Variants in IL1RAPL2 observed in about 807,000 individuals in gnomAD.
The protein encoded by IL1RAPL2 is X-linked interleukin-1 receptor accessory protein-like 2.
Under a neutral mutation model 44.1 loss-of-function variants are expected in IL1RAPL2, and 3 were observed. The observed-to-expected ratio is 0.07, with a 90% CI of 0.03 to 0.18. The LOEUF (loss-of-function observed/expected upper bound fraction) is 0.18. IL1RAPL2 is among the 10% of genes least tolerant of loss of function. IL1RAPL2 has a pLI of 1.00. For missense variants in IL1RAPL2, 391 were observed against 496.4 expected (o/e 0.79, Z 2.02); for synonymous variants, 181 against 178.8 (o/e 1.01, Z -0.10).
intron 2 of IL1RAPL2, among the ~76,000 whole-genome samples, chrX:105,163,035 C>A (rs893622575): frequency 9.0e-6 from 1 of 111,723 alleles, no homozygotes; most frequent in Admixed American, 9.6e-5. Context: ...GTCCCTTTAA[C>A]TTCTAGATCA....
intron 2 of IL1RAPL2, among the ~76,000 whole-genome samples, chrX:104,786,313 C>T (rs926891641): frequency 8.9e-6 from 1 of 111,937 alleles, no homozygotes; most frequent in African/African-American, 3.3e-5. Context: ...CATATCCTCT[C>T]TTCCTTCCTC....
At chrX:105,412,306 G>GTATATATATATATATATA (rs56979628) in intron 5 of IL1RAPL2, among the ~76,000 whole-genome samples, 8 of 93,176 alleles carry the variant, frequency 8.6e-5, no homozygotes, top group Non-Finnish European at 1.1e-4. Flanking sequence ...GAAAAATGTA[G>GTATATATATATATATATA]TATATATATA....
intron 2 of IL1RAPL2, among the ~76,000 whole-genome samples, chrX:104,939,827 A>G (rs777299148): frequency 8.9e-6 from 1 of 112,034 alleles, no homozygotes; most frequent in South Asian, 3.7e-4. Flanking sequence ...ATGTTAAGTA[A>G]AAGAAGCCAG....
At chrX:105,540,864 T>C (rs2095525412) in intron 6 of IL1RAPL2, among the ~76,000 whole-genome samples, 1 of 81,467 alleles carries the variant, frequency 1.2e-5, no homozygotes, top group Admixed American at 1.5e-4. Context: ...TTATATATGA[T>C]ATATAATACA....
intron 2 of IL1RAPL2, among the ~76,000 whole-genome samples, chrX:104,810,753 T>G (rs949683803): frequency 8.9e-6 from 1 of 111,733 alleles, no homozygotes; most frequent in African/African-American, 3.3e-5. Flanking sequence ...ATTAAAAAAT[T>G]TGGAGAGTTA....
intron 6 of IL1RAPL2, among the ~76,000 whole-genome samples, chrX:105,546,666 A>G (rs1048350869): frequency 2.7e-4 from 30 of 111,565 alleles, no homozygotes; most frequent in African/African-American, 9.4e-4. Flanking sequence ...CTGACCTTTG[A>G]AGGAGGAAAG....
chrX:105,395,922 C>G (rs2035559638), intron 5 of IL1RAPL2, among the ~76,000 whole-genome samples: 1 of 112,042 alleles, frequency 8.9e-6, no homozygotes, highest in African/African-American at 3.2e-5. Flanking sequence ...ATGCCCAGCT[C>G]TCTGTTTTAT....
intron 6 of IL1RAPL2, among the ~76,000 whole-genome samples, chrX:105,711,093 C>T (rs2038206488): frequency 9.2e-6 from 1 of 109,275 alleles, no homozygotes; most frequent in African/African-American, 3.3e-5. Context: ...AAGCTACACC[C>T]GGGGATCACT....
chrX:104,913,744 A>G (rs1924322494), intron 2 of IL1RAPL2, among the ~76,000 whole-genome samples: 1 of 112,280 alleles, frequency 8.9e-6, no homozygotes, highest in East Asian at 2.8e-4. Context: ...GTCTGCAGGA[A>G]TTTATGCCTT....
At chrX:105,356,239 G>C (rs1187137042) in intron 5 of IL1RAPL2, among the ~76,000 whole-genome samples, 1 of 110,171 alleles carries the variant, frequency 9.1e-6, no homozygotes, top group Non-Finnish European at 1.9e-5. Context: ...TATGGGTAGG[G>C]TGATAGATTT....
At chrX:105,596,023 G>A (rs1190464061) in intron 6 of IL1RAPL2, among the ~76,000 whole-genome samples, 1 of 110,354 alleles carries the variant, frequency 9.1e-6, no homozygotes, top group Non-Finnish European at 1.9e-5. Context: ...TTATTTATTT[G>A]AGTCTTCTCT....
chrX:105,162,279 ATGGGAAAGTGCTT>A (rs1765654328), intron 2 of IL1RAPL2, among the ~76,000 whole-genome samples: 1 of 112,196 alleles, frequency 8.9e-6, no homozygotes, highest in African/African-American at 3.2e-5. Flanking sequence ...ACAAAAAGCC[ATGGGAAAGTGCTT>A]TGTAAATAAG....
rs772367858 is a variant in IL1RAPL2 at position 104,823,460 on chromosome X, T to C, written c.82+164465T>C. The stretch of plus-strand genomic sequence containing the variant: ...TTTTTTATGGCTGCATAGTATTCCA[T>C]GGTGTATATGTGCCACATTTTCTTA... On this transcript the variant is annotated intron_variant, in intron 2 of 10. Transcript: ENST00000372582. Among the ~76,000 whole-genome samples, 277 of 110,021 alleles carry C rather than the reference T, an allele frequency of 2.5e-3. 1 individual carries two copies. Among genetic ancestry groups the C allele is most frequent in the African/African-American group, 8.7e-3 (264 of 30,325 alleles).
intron 2 of IL1RAPL2, among the ~76,000 whole-genome samples, chrX:104,890,963 A>G (rs1246249858): frequency 1.2e-4 from 13 of 111,823 alleles, no homozygotes; most frequent in African/African-American, 4.2e-4. Flanking sequence ...TCCCTCTTGA[A>G]TTAATTTTTG....
intron 2 of IL1RAPL2, among the ~76,000 whole-genome samples, chrX:105,039,743 T>G (rs780942779): frequency 1.2e-4 from 13 of 111,931 alleles, no homozygotes; most frequent in Non-Finnish European, 2.1e-4. Flanking sequence ...ATCCTGAGAC[T>G]TTGCTGAAGT....
chrX:105,200,173 G>A (rs1459216312), intron 3 of IL1RAPL2, among the ~76,000 whole-genome samples: 4 of 111,942 alleles, frequency 3.6e-5, no homozygotes, highest in African/African-American at 1.3e-4. Flanking sequence ...ATGTTTTATT[G>A]ATCTCATTAA....
At chrX:104,715,416 T>TTA (rs1491216781) in intron 2 of IL1RAPL2, among the ~76,000 whole-genome samples, 1 of 57,260 alleles carries the variant, frequency 1.7e-5, no homozygotes. Context: ...TTCTATTTTT[T>TTA]CAAAAAAAAA....
chrX:105,235,749 G>A (rs1204985871), intron 4 of IL1RAPL2, among the ~76,000 whole-genome samples: 2 of 112,436 alleles, frequency 1.8e-5, no homozygotes, highest in East Asian at 2.8e-4. Flanking sequence ...AGCACTTATT[G>A]TGTGCCATTC....
intron 2 of IL1RAPL2, among the ~76,000 whole-genome samples, chrX:105,104,102 T>C (rs181299580): frequency 3.0e-4 from 33 of 111,435 alleles, no homozygotes; most frequent in African/African-American, 9.1e-4. Context: ...TCTTCATTAG[T>C]GGGTTCTAGT....
Sources: gnomAD v4.1 joint callset for allele counts (sites outside exome capture counted in the v4.1 genomes callset) on GRCh38, gnomAD v4.1.1 for gene constraint, MANE v1.5 for transcripts, NCBI Gene and HGNC (gene_info 2026-07-23, HGNC 2026-07-21) for gene names.